The following RTF1 variants were observed in gnomAD, a reference collection of about 807,000 sequenced individuals.
RTF1 encodes RTF1 homolog, Paf1/RNA polymerase II complex component, also known as RNA polymerase-associated protein RTF1 homolog.
Under a neutral mutation model 95.7 loss-of-function variants are expected in RTF1, and 10 were observed. The observed-to-expected ratio is 0.10, with a 90% CI of 0.06 to 0.18. The LOEUF is 0.18. RTF1 is among the 10% of genes least tolerant of loss of function. RTF1 has a pLI of 1.00. For synonymous variants in RTF1, 305 were observed against 311.8 expected (o/e 0.98, Z 0.23); for missense variants, 458 against 875.6 (o/e 0.52, Z 6.02).
intron 2 of RTF1, among the ~76,000 whole-genome samples, chr15:41,440,635 G>GC (rs1566839874): frequency 1.3e-5 from 2 of 151,658 alleles, no homozygotes; most frequent in African/African-American, 4.8e-5. Flanking sequence ...GACTGCAGGC[G>GC]CATGTCACCA....
intron 1 of RTF1, among the ~76,000 whole-genome samples, chr15:41,433,411 C>T (rs990010845): frequency 6.0e-5 from 9 of 151,148 alleles, no homozygotes; most frequent in Non-Finnish European, 8.9e-5. Context: ...CTTTGCTCAC[C>T]GCAACCCCCA....
At chr15:41,430,769 C>T (rs1357736324) in intron 1 of RTF1, among the ~76,000 whole-genome samples, 1 of 152,072 alleles carries the variant, frequency 6.6e-6, no homozygotes, top group African/African-American at 2.4e-5. Context: ...ATATAAAGGA[C>T]TGAGCTAAAA....
chr15:41,419,744 C>A (rs2050590768), intron 1 of RTF1, among the ~76,000 whole-genome samples: 1 of 152,188 alleles, frequency 6.6e-6, no homozygotes, highest in Non-Finnish European at 1.5e-5. Flanking sequence ...TTGAGTGCTT[C>A]TTTTCGTGGT....
chr15:41,438,940 T>C (rs953731603), intron 2 of RTF1, among the ~76,000 whole-genome samples: 2 of 150,044 alleles, frequency 1.3e-5, no homozygotes, highest in African/African-American at 2.4e-5. Context: ...TGGGTCCCTC[T>C]GCAGGACATG....
In RTF1 at chr15:41,437,373, C is replaced by T. The variant is rs555975335; in HGVS notation, c.199-948C>T. 4.5e-4 allele frequency among the ~76,000 whole-genome samples: 67 copies of T among 149,046 alleles called. 1 individual carries two copies. The highest frequency in any genetic ancestry group is 1.6e-3 in the African/African-American group (63 of 40,566). The stretch of plus-strand genomic sequence containing the variant: ...AAAATTAGCCGGGCGTGGTGGTGGG[C>T]GCCTGACAGCTACTCGGGAGGCTGA... On this transcript the variant is annotated intron_variant, in intron 1 of 17. Transcript: ENST00000389629.
At chr15:41,436,279 G>A (rs987494974) in intron 1 of RTF1, among the ~76,000 whole-genome samples, 16 of 137,490 alleles carry the variant, frequency 1.2e-4, no homozygotes, top group Admixed American at 1.6e-4. Flanking sequence ...GTGAAATCCC[G>A]TCTCTACTAA....
chr15:41,425,542 T>C (rs2050624638), intron 1 of RTF1, among the ~76,000 whole-genome samples: 1 of 152,152 alleles, frequency 6.6e-6, no homozygotes, highest in African/African-American at 2.4e-5. Flanking sequence ...AGGGGGACAC[T>C]AATGAAGTGG....
At chr15:41,445,660 C>T (rs1566841222) in intron 2 of RTF1, among the ~76,000 whole-genome samples, 1 of 151,168 alleles carries the variant, frequency 6.6e-6, no homozygotes, top group Non-Finnish European at 1.5e-5. Flanking sequence ...TTCAGGCTGA[C>T]ATTAAATTGC....
chr15:41,462,963 C>T (rs1161226906), intron 4 of RTF1, among the ~76,000 whole-genome samples: 5 of 152,190 alleles, frequency 3.3e-5, no homozygotes, highest in Admixed American at 3.3e-4. Context: ...CTATGTTGTC[C>T]AGGCTATTCT....
chr15:41,454,289 C>T (rs2050802211), intron 3 of RTF1, among the ~76,000 whole-genome samples: 2 of 152,014 alleles, frequency 1.3e-5, no homozygotes, highest in African/African-American at 4.8e-5. Flanking sequence ...TGGGGTTTCA[C>T]CATGTTGGCC....
At chr15:41,445,734 ATTT>A (rs66494134) in intron 2 of RTF1, among the ~76,000 whole-genome samples, 2 of 132,018 alleles carry the variant, frequency 1.5e-5, no homozygotes, top group Non-Finnish European at 3.3e-5. Context: ...TCCTGACCCC[ATTT>A]TTTTTTTTTT....
intron 1 of RTF1, among the ~76,000 whole-genome samples, chr15:41,424,059 G>T (rs1410734195): frequency 6.6e-6 from 1 of 152,118 alleles, no homozygotes; most frequent in African/African-American, 2.4e-5. Flanking sequence ...CGGCCTGATT[G>T]TTCATCGTTC....
At chr15:41,458,466 C>T (rs762695554) in intron 4 of RTF1, among the ~76,000 whole-genome samples, 1 of 152,110 alleles carries the variant, frequency 6.6e-6, no homozygotes, top group Non-Finnish European at 1.5e-5. Flanking sequence ...TCTGTAACAC[C>T]GCACTACAGG....
intron 1 of RTF1, among the ~76,000 whole-genome samples, chr15:41,433,557 G>T (rs2050686492): frequency 6.6e-6 from 1 of 152,060 alleles, no homozygotes; most frequent in Non-Finnish European, 1.5e-5. Flanking sequence ...CACACCTCAA[G>T]TGATATACCT....
rs142002548 is a variant in RTF1 at position 41,476,064 on chromosome 15, T to C, written c.1482+245T>C. ...AGATGAGACAACAAATGAGGCTACATACACTAAAGTGTATTTAGGGTTCAG... is the reference window on the plus strand; with the variant it reads ...AGATGAGACAACAAATGAGGCTACACACACTAAAGTGTATTTAGGGTTCAG... On this transcript the variant is annotated intron_variant, in intron 11 of 17. Coordinates refer to ENST00000389629, the MANE Select transcript of RTF1 (RefSeq NM_015138.5). 2.4e-3 allele frequency among the ~76,000 whole-genome samples: 373 copies of C among 152,334 alleles called. 1 individual carries two copies. The highest frequency in any genetic ancestry group is 8.5e-3 in the African/African-American group (353 of 41,564).
At chr15:41,461,374 G>T (rs1449048100) in intron 4 of RTF1, among the ~76,000 whole-genome samples, 2 of 151,748 alleles carry the variant, frequency 1.3e-5, no homozygotes, top group Non-Finnish European at 2.9e-5. Flanking sequence ...TAGAGACAGG[G>T]TTTCACTATG....
rs2050973917 is a variant in RTF1, at chr15:41,481,371, TCA to T, written c.*685_*686del. ...AGTCTGTCATGGGTCTATAGCTGTT[TCA>T]GATTTTTTTCAGCTGTACTTGAGCA... On this transcript the variant is annotated 3_prime_UTR_variant, in exon 18 of 18. Coordinates refer to ENST00000389629, the MANE Select transcript of RTF1 (RefSeq NM_015138.5). The T allele has an allele frequency of 6.6e-6, 1 of 152,560 alleles. No individual in the cohort carries two copies. The highest frequency in any genetic ancestry group is 1.5e-5 in the Non-Finnish European group (1 of 68,016). 9.5% of individuals were successfully genotyped at this position (152,560 alleles called of 1,614,324 possible).
intron 4 of RTF1, among the ~76,000 whole-genome samples, chr15:41,462,915 G>A (rs1190347335): frequency 1.3e-5 from 2 of 151,916 alleles, no homozygotes; most frequent in Non-Finnish European, 2.9e-5. Context: ...GCCACCACCT[G>A]GCCAATTTTT....
intron 4 of RTF1, among the ~76,000 whole-genome samples, chr15:41,460,832 T>A (rs962755743): frequency 6.6e-6 from 1 of 151,900 alleles, no homozygotes; most frequent in Non-Finnish European, 1.5e-5. Flanking sequence ...TAGCTGGGAC[T>A]ACAGGCTGTA....
Sources: gnomAD v4.1 joint callset for allele counts (sites outside exome capture counted in the v4.1 genomes callset) on GRCh38, gnomAD v4.1.1 for gene constraint, MANE v1.5 for transcripts, NCBI Gene and HGNC (gene_info 2026-07-23, HGNC 2026-07-21) for gene names.